C12orf42: variants seen among roughly 807,000 people sequenced by gnomAD.
C12orf42 encodes chromosome 12 open reading frame 42.
Under a neutral mutation model 21.6 loss-of-function variants are expected in C12orf42, and 25 were observed. That is an observed-to-expected ratio of 1.16 (90% CI 0.84 to 1.62). C12orf42 has a LOEUF of 1.62. C12orf42 is among the 40% of genes most tolerant of loss of function. The pLI, the probability that C12orf42 is intolerant of heterozygous loss-of-function variation, is 0.00. For synonymous variants in C12orf42, 174 were observed against 175.0 expected (o/e 0.99, Z 0.05); for missense variants, 483 against 459.3 (o/e 1.05, Z -0.47).
the C12orf42 span, among the ~76,000 whole-genome samples, chr12:103,508,894 T>C: frequency 2.0e-5 from 3 of 152,230 alleles, no homozygotes; most frequent in Admixed American, 6.5e-5. Context: ...TAATGATAGC[T>C]AATATTTATA....
the C12orf42 span, among the ~76,000 whole-genome samples, chr12:103,119,086 C>T: frequency 6.6e-6 from 1 of 152,178 alleles, no homozygotes; most frequent in Non-Finnish European, 1.5e-5. Context: ...TGCCAGATTT[C>T]TCTGCTCCCA....
intron 4 of C12orf42, among the ~76,000 whole-genome samples, chr12:103,327,585 C>T (rs2040828962): frequency 6.6e-6 from 1 of 152,156 alleles, no homozygotes; most frequent in Non-Finnish European, 1.5e-5. Context: ...AACCTCTAGT[C>T]TCTGTTGCTC....
At chr12:103,117,729 T>C in the C12orf42 span, among the ~76,000 whole-genome samples, 1 of 152,350 alleles carries the variant, frequency 6.6e-6, no homozygotes, top group African/African-American at 2.4e-5. Context: ...TCCATAGTGG[T>C]GGAGGGTAGA....
chr12:103,388,721 A>T (rs554864322), intron 3 of C12orf42, among the ~76,000 whole-genome samples: 112 of 152,334 alleles, frequency 7.4e-4, no homozygotes, highest in African/African-American at 2.5e-3. Flanking sequence ...AAGAGACACA[A>T]CATGAATGAT....
the C12orf42 span, among the ~76,000 whole-genome samples, chr12:103,104,304 A>G: frequency 1.3e-5 from 2 of 152,238 alleles, no homozygotes; most frequent in Non-Finnish European, 2.9e-5. Flanking sequence ...AAATAAAGAA[A>G]GATATACTCC....
At chr12:103,478,963 T>G (rs577573703) in intron 1 of C12orf42, among the ~76,000 whole-genome samples, 5 of 152,290 alleles carry the variant, frequency 3.3e-5, no homozygotes, top group Non-Finnish European at 7.4e-5. Context: ...GTAATAGTAA[T>G]GGCTTTGTTC....
chr12:103,143,948 C>T, the C12orf42 span, among the ~76,000 whole-genome samples: 14 of 152,134 alleles, frequency 9.2e-5, no homozygotes, highest in Non-Finnish European at 1.9e-4. Context: ...TGCTGCTAAT[C>T]ATCATTATTA....
At chr12:103,096,363 C>T in the C12orf42 span, among the ~76,000 whole-genome samples, 5 of 152,020 alleles carry the variant, frequency 3.3e-5, no homozygotes, top group South Asian at 2.1e-4. Context: ...AATAAAAATT[C>T]GTAGGACATA....
the C12orf42 span, among the ~76,000 whole-genome samples, chr12:103,180,618 T>TC: frequency 8.9e-6 from 1 of 112,272 alleles, no homozygotes; most frequent in African/African-American, 3.7e-5. Flanking sequence ...TAATTTCCTT[T>TC]TTTTTTTTTT....
the C12orf42 span, among the ~76,000 whole-genome samples, chr12:103,215,235 C>T: frequency 2.0e-5 from 3 of 151,946 alleles, no homozygotes; most frequent in African/African-American, 7.3e-5. Context: ...TTAATACTAA[C>T]ACTAACTCTG....
chr12:103,485,003 G>A (rs1044814023), intron 1 of C12orf42, among the ~76,000 whole-genome samples: 5 of 151,224 alleles, frequency 3.3e-5, no homozygotes, highest in African/African-American at 9.7e-5. Flanking sequence ...CTGAGTACCT[G>A]GGACTACAAG....
At chr12:103,108,658 A>G in the C12orf42 span, among the ~76,000 whole-genome samples, 1 of 152,188 alleles carries the variant, frequency 6.6e-6, no homozygotes, top group Non-Finnish European at 1.5e-5. Context: ...ATAAGTATTG[A>G]TAGAAGCATT....
chr12:103,351,892 T>G (rs562043863), intron 4 of C12orf42, among the ~76,000 whole-genome samples: 3 of 152,232 alleles, frequency 2.0e-5, no homozygotes, highest in Non-Finnish European at 4.4e-5. Context: ...TAAAAGCCTC[T>G]TTTCTTAACT....
At chr12:103,450,102 T>TTTAGGTATTTAGATTAA (rs1473494104) in intron 2 of C12orf42, among the ~76,000 whole-genome samples, 7 of 152,186 alleles carry the variant, frequency 4.6e-5, no homozygotes, top group African/African-American at 1.4e-4. Context: ...ATTAAATATA[T>TTTAGGTATTTAGATTAA]TAGGTTTAGG....
intron 4 of C12orf42, among the ~76,000 whole-genome samples, chr12:103,289,624 G>T (rs1250285075): frequency 6.6e-6 from 1 of 152,034 alleles, no homozygotes; most frequent in Admixed American, 6.6e-5. Flanking sequence ...ATACTACAAT[G>T]ATGCAATAAA....
At chr12:103,320,818 T>G (rs1464835235) in intron 4 of C12orf42, among the ~76,000 whole-genome samples, 2 of 152,222 alleles carry the variant, frequency 1.3e-5, no homozygotes, top group East Asian at 3.8e-4. Context: ...CCCTGTCTAC[T>G]GAATGACTGC....
chr12:103,302,028 A>C lies in C12orf42; in HGVS notation c.*80T>G. The C allele has an allele frequency of 2.1e-6, 3 of 1,423,302 alleles. No individual in the cohort carries two copies. In the South Asian group the frequency reaches 4.1e-5, roughly 19 times the overall value. The allele number at this position is 1,423,302 out of a possible 1,614,324, so 88.2% of individuals were successfully genotyped here. A position where few individuals can be genotyped will look rare whatever the true frequency, so the allele number is the denominator to read the frequency against. ...ACAATGGTTCTGTGGAAACCAGTAC[A>C]TCTGAGGCCCTTTCTGTTGTTCTGA... is the stretch of plus-strand genomic sequence containing the variant. On this transcript the variant is annotated 3_prime_UTR_variant, in exon 6 of 6. Coordinates refer to ENST00000548883, the MANE Select transcript of C12orf42 (RefSeq NM_198521.5).
intron 2 of C12orf42, among the ~76,000 whole-genome samples, chr12:103,410,946 G>A (rs1566264248): frequency 1.3e-5 from 2 of 152,206 alleles, no homozygotes; most frequent in Admixed American, 6.5e-5. Flanking sequence ...CTGACTGAAA[G>A]ATTAGATGAT....
chr12:103,085,282 T>C, the C12orf42 span, among the ~76,000 whole-genome samples: 2 of 152,164 alleles, frequency 1.3e-5, no homozygotes, highest in Non-Finnish European at 2.9e-5. Flanking sequence ...TAGGTTTACT[T>C]TTAATATTAA....
Sources: gnomAD v4.1 joint callset for allele counts (sites outside exome capture counted in the v4.1 genomes callset) on GRCh38, gnomAD v4.1.1 for gene constraint, MANE v1.5 for transcripts, NCBI Gene and HGNC (gene_info 2026-07-23, HGNC 2026-07-21) for gene names.